The following SPAG9 variants were observed in gnomAD, a reference collection of about 807,000 sequenced individuals.
SPAG9 encodes the protein C-Jun-amino-terminal kinase-interacting protein 4.
SPAG9 carries 35 observed loss-of-function variants against 166.5 expected under a neutral mutation model. That is an observed-to-expected ratio of 0.21 (90% CI 0.16 to 0.28). The LOEUF (loss-of-function observed/expected upper bound fraction) is 0.28, where lower values mean the gene tolerates loss of function less well. Ranked by LOEUF, SPAG9 falls within the 10% of genes least tolerant of loss-of-function variation. The probability of loss-of-function intolerance (pLI) is 1.00; values close to 1 mark genes in which losing one functional copy is unlikely to be tolerated. For missense variants in SPAG9, 1,235 were observed against 1,603.3 expected, an observed-to-expected ratio of 0.77 and a Z score of 3.92; for synonymous variants, 534 against 565.5, an observed-to-expected ratio of 0.94 and a Z score of 0.79.
At position 51,102,424 on chromosome 17, in the gene SPAG9, G is replaced by GA. The variant is rs562426392; in HGVS notation, c.303+17929dup. 3.3e-3 allele frequency among the ~76,000 whole-genome samples: 495 copies of GA among 148,702 alleles called. 2 individuals are homozygous for GA. The highest frequency in any genetic ancestry group is 0.016 in the South Asian group (73 of 4,702). On this transcript the variant is annotated intron_variant, in intron 1 of 29. Coordinates refer to ENST00000262013, the MANE Select transcript of SPAG9 (RefSeq NM_001130528.3). ...GTCTGCAAAAAAAAAAAAAAGAAAA[G>GA]AAAAAAATAGAAATGTCTAACATAA...
rs142261481 is a variant in SPAG9 at position 50,998,289 on chromosome 17, C to T, written c.1838+155G>A. The T allele has an allele frequency of 5.2e-4, 309 of 596,486 alleles. 2 individuals carry two copies. The highest frequency in any genetic ancestry group is 4.5e-3 in the African/African-American group (242 of 53,472). The allele number at this position is 596,486 out of a possible 1,614,324, so 36.9% of individuals were successfully genotyped here. On this transcript the variant is annotated intron_variant, in intron 15 of 29. Coordinates refer to ENST00000262013, the MANE Select transcript of SPAG9 (RefSeq NM_001130528.3). ...TTGTGATCCGCCCACCTCGGTCTCCCAAAGTGCTGGGATTACAGGTGTGAG... is the reference window on the plus strand; with the variant it reads ...TTGTGATCCGCCCACCTCGGTCTCCTAAAGTGCTGGGATTACAGGTGTGAG...
intron 14 of SPAG9, 163 bp downstream of exon 14, chr17:50,999,496 TAA>T (rs377700707): frequency 1.8e-3 from 2,291 of 1,268,336 alleles, no homozygotes; most frequent in South Asian, 2.3e-3. Flanking sequence ...CACTATATAT[TAA>T]AAAAAAAAAA....
Position 51,006,217 on chromosome 17 carries a change from T to C in SPAG9, c.1292A>G (p.Lys431Arg). The C allele has an allele frequency of 6.2e-7, 1 of 1,614,110 alleles. No homozygotes were observed. Among genetic ancestry groups the C allele is most frequent in the Non-Finnish European group, 8.5e-7 (1 of 1,179,976 alleles). Reference sequence around the variant, plus strand: ...ATCCACTTTTGCTATCAAATCATTCTTCACTATGTTCAAAGCATTTCTAAG... The same window carrying C: ...ATCCACTTTTGCTATCAAATCATTCCTCACTATGTTCAAAGCATTTCTAAG... ...LETKNALNIV[K>R]NDLIAKVDEL... The change falls in exon 11 of 30, where the codon AAG becomes AGG. Residue 431 changes from lysine (K) to arginine (R), a missense_variant. Transcript: ENST00000262013.
intron 2 of SPAG9, among the ~76,000 whole-genome samples, chr17:51,077,643 G>A (rs1006530031): frequency 3.3e-5 from 5 of 151,604 alleles, no homozygotes; most frequent in South Asian, 2.1e-4. Flanking sequence ...GCAGTCCTCC[G>A]AGATTTCAAA....
chr17:50,993,720 G>C, intron 19 of SPAG9, 44 bp downstream of exon 19: 3 of 1,593,220 alleles, frequency 1.9e-6, no homozygotes, highest in Non-Finnish European at 2.6e-6. Context: ...CCAGCAGGTA[G>C]GTGGATGGAG....
chr17:51,046,476 G>A (rs1462492838), intron 4 of SPAG9: 1 of 1,495,784 alleles, frequency 6.7e-7, no homozygotes, highest in South Asian at 1.2e-5. Flanking sequence ...GCTAAGCAGG[G>A]GCTTCTAAGA....
Position 51,080,280 on chromosome 17 carries a change from C to A in SPAG9, c.304-576G>T, listed in dbSNP as rs142833323. ...TATCAGCAACATCTGACAAGTGATC[C>A]GCTCTCCTTAAAACTTTTTTTTTTT... is the stretch of plus-strand genomic sequence containing the variant. On this transcript the variant is annotated intron_variant, in intron 1 of 29. Coordinates refer to ENST00000262013, the MANE Select transcript of SPAG9 (RefSeq NM_001130528.3). Among the ~76,000 whole-genome samples the A allele has an allele frequency of 2.0e-4, 31 of 151,852 alleles. No individual in the cohort carries two copies. In the South Asian group the frequency reaches 6.4e-3, roughly 32 times the overall value.
At chr17:51,024,478 C>T (rs1006865185) in intron 6 of SPAG9, among the ~76,000 whole-genome samples, 2 of 151,996 alleles carry the variant, frequency 1.3e-5, no homozygotes, top group Admixed American at 1.3e-4. Flanking sequence ...GTAATCCCAG[C>T]ACTTTGGGAG....
Position 51,047,474 on chromosome 17 carries a change from T to A in SPAG9, c.496-5A>T. 7.2e-7 allele frequency: 1 copy of A among 1,379,416 alleles called. No individual in the cohort carries two copies. Among genetic ancestry groups the A allele is most frequent in the African/African-American group, 1.9e-5 (1 of 51,450 alleles). The allele number at this position is 1,379,416 out of a possible 1,614,324, so 85.4% of individuals were successfully genotyped here. A position where few individuals can be genotyped will look rare whatever the true frequency, so the allele number is the denominator to read the frequency against. On this transcript the variant is annotated splice_polypyrimidine_tract_variant and splice_region_variant and intron_variant, in intron 3 of 29. Transcript: ENST00000262013. ...TTCCATATAATTATGGATCATCTAT[T>A]TTAAAGAAAGAAAAAATACACAATA...
chr17:51,005,373 T>C (rs2045164860), intron 11 of SPAG9, 110 bp from the exon 12 acceptor site: 1 of 1,041,334 alleles, frequency 9.6e-7, no homozygotes, highest in Non-Finnish European at 1.4e-6. Context: ...TATTTTTCTT[T>C]TCCCAAACAG....
At chr17:50,999,460 T>C in intron 14 of SPAG9, 1 of 1,501,680 alleles carries the variant, frequency 6.7e-7, no homozygotes, top group Non-Finnish European at 8.8e-7. Context: ...TTTTTTGTCC[T>C]TGAGAAGAGC....
At chr17:51,051,581 G>A (rs1438209663) in intron 3 of SPAG9, among the ~76,000 whole-genome samples, 2 of 152,152 alleles carry the variant, frequency 1.3e-5, no homozygotes, top group African/African-American at 2.4e-5. Context: ...GTAGCCGAGC[G>A]TGGTGGCATG....
At chr17:51,055,651 T>C (rs529746195) in intron 3 of SPAG9, among the ~76,000 whole-genome samples, 7 of 151,780 alleles carry the variant, frequency 4.6e-5, no homozygotes, top group Non-Finnish European at 7.4e-5. Flanking sequence ...ATGGGAAATA[T>C]AGGACTAGCA....
At chr17:51,030,433 C>T (rs955981346) in intron 6 of SPAG9, among the ~76,000 whole-genome samples, 13 of 152,150 alleles carry the variant, frequency 8.5e-5, no homozygotes, top group African/African-American at 3.1e-4. Flanking sequence ...TAACTAGCCC[C>T]ACATAGGATC....
In SPAG9 at chr17:50,984,968, C is replaced by T; in HGVS notation, c.3043G>A (p.Val1015Ile). The change falls in exon 24 of 30, where the codon GTA becomes ATA. Residue 1015 changes from valine (V) to isoleucine (I), a missense_variant. Val to Ile is a conservative substitution (Grantham distance 29, BLOSUM62 3). This residue lies in a region of SPAG9 where 493 missense variants were observed against 559.4 expected (regional missense o/e 0.88). Transcript: ENST00000262013. ...GCAAGGGTGCCGTCAGCCAGGGCTA[C>T]TAACACGATTCCCTTCACGTGTCTG... ...SIVHVKGIVL[V>I]ALADGTLAIF... The T allele has an allele frequency of 6.2e-7, 1 of 1,614,188 alleles. No homozygotes were observed. The highest frequency in any genetic ancestry group is 8.5e-7 in the Non-Finnish European group (1 of 1,180,034).
At chr17:51,043,969 T>C (rs1438086094) in intron 4 of SPAG9, among the ~76,000 whole-genome samples, 2 of 152,180 alleles carry the variant, frequency 1.3e-5, no homozygotes, top group Admixed American at 6.5e-5. Context: ...ACAACCCAAA[T>C]TGCAAATAGA....
At position 51,079,828 on chromosome 17, in the gene SPAG9, C is replaced by T; in HGVS notation, c.304-124G>A. On this transcript the variant is annotated intron_variant, in intron 1 of 29. Coordinates refer to ENST00000262013, the MANE Select transcript of SPAG9 (RefSeq NM_001130528.3). ...ACTACTTAGATCTCAGAATTATGAC[C>T]TTGGGTTGATTTTTAGTTTTTCTAT... is the stretch of plus-strand genomic sequence containing the variant. 5.0e-6 allele frequency: 3 copies of T among 597,266 alleles called. No individual in the cohort carries two copies. In the South Asian group the frequency reaches 8.9e-5, roughly 18 times the overall value. The allele number at this position is 597,266 out of a possible 1,614,324, so 37.0% of individuals were successfully genotyped here.
In SPAG9 at chr17:51,006,172, T is replaced by A. The variant is rs990460905; in HGVS notation, c.1337A>T (p.Asp446Val). 1.2e-6 allele frequency: 2 copies of A among 1,614,222 alleles called. No homozygotes were observed. Among genetic ancestry groups the A allele is most frequent in the African/African-American group, 1.3e-5 (1 of 75,078 alleles). Residue 446 changes from aspartate (D) to valine (V), a missense_variant, in exon 11 of 30, where the codon GAT becomes GTT. Physicochemically the swap from Asp to Val is radical, Grantham distance 152 (BLOSUM62 -3). Around this residue, in one of 6 missense-constraint regions of SPAG9, gnomAD observed 125 missense variants for 194.0 expected, o/e 0.64. Transcript: ENST00000262013. Reference protein sequence around the residue: ...AKVDELTCEKDVLQGELEAVK... With the variant: ...AKVDELTCEKVVLQGELEAVK... ...AGCCTCCAATTCCCCTTGCAGCACA[T>A]CTTTCTCACAGGTCAGTTCATCCAC...
At chr17:51,025,601 G>T (rs1437703543) in intron 6 of SPAG9, among the ~76,000 whole-genome samples, 5 of 151,870 alleles carry the variant, frequency 3.3e-5, no homozygotes, top group Non-Finnish European at 7.4e-5. Context: ...AAAAATAAGT[G>T]GTATTTGGCT....
Sources: gnomAD v4.1 joint callset for allele counts (sites outside exome capture counted in the v4.1 genomes callset) on GRCh38, gnomAD v4.1.1 for gene constraint, gnomAD v4.1.1 regional missense constraint, MANE v1.5 for transcripts, NCBI Gene and HGNC (gene_info 2026-07-23, HGNC 2026-07-21) for gene names.